The following IL5RA variants were observed in gnomAD, a reference collection of about 807,000 sequenced individuals.
The protein encoded by IL5RA is interleukin-5 receptor subunit alpha.
In IL5RA, 49 loss-of-function variants were observed where a neutral mutation model predicts 50.0. The observed-to-expected ratio is 0.98, with a 90% confidence interval of 0.78 to 1.24. The LOEUF is 1.24. IL5RA is among the 50% of genes most tolerant of loss of function. IL5RA has a pLI of 0.00. For missense variants in IL5RA, 600 were observed against 500.4 expected (o/e 1.20, Z -1.90); for synonymous variants, 202 against 174.0 (o/e 1.16, Z -1.26).
intron 2 of IL5RA, among the ~76,000 whole-genome samples, chr3:3,107,118 G>A (rs1179663095): frequency 6.6e-6 from 1 of 151,752 alleles, no homozygotes; most frequent in Admixed American, 6.6e-5. Flanking sequence ...ATTAGTTTTT[G>A]GCCATAAATA....
chr3:3,084,983 G>C (rs930565382), intron 9 of IL5RA, among the ~76,000 whole-genome samples: 4 of 152,256 alleles, frequency 2.6e-5, no homozygotes, highest in Non-Finnish European at 5.9e-5. Flanking sequence ...GCGCCTGAAA[G>C]CACTGTGGGA....
intron 7 of IL5RA, among the ~76,000 whole-genome samples, chr3:3,095,889 GT>G (rs896612939): frequency 6.6e-6 from 1 of 152,054 alleles, no homozygotes; most frequent in African/African-American, 2.4e-5. Context: ...CTGAGATTCA[GT>G]TTTTAATTTT....
At chr3:3,083,171 C>A (rs2125961493) in intron 9 of IL5RA, among the ~76,000 whole-genome samples, 1 of 152,300 alleles carries the variant, frequency 6.6e-6, no homozygotes, top group Middle Eastern at 3.4e-3. Context: ...CAAACCAGAT[C>A]ACAGGCTTCC....
chr3:3,076,500 C>T, intron 10 of IL5RA, 31 bp downstream of exon 10: 1 of 1,405,668 alleles, frequency 7.1e-7, no homozygotes, highest in Non-Finnish European at 1.0e-6. Context: ...TGAAACCCCA[C>T]TGCAAGCACG....
rs185923166 is a variant in IL5RA at position 3,075,969 on chromosome 3, C to A, written c.1091+562G>T. On this transcript the variant is annotated intron_variant, in intron 10 of 11. Transcript: ENST00000446632. ...CATGTTTTTAAGCCTCCTAAAAGGT[C>A]TTGTGCCTTACTGAATGCTAAAATG... is the stretch of plus-strand genomic sequence containing the variant. Among the ~76,000 whole-genome samples, 365 of 152,272 alleles carry A rather than the reference C, an allele frequency of 2.4e-3. 2 individuals are homozygous for A. The highest frequency in any genetic ancestry group is 4.1e-3 in the Non-Finnish European group (281 of 68,026).
Position 3,076,550 on chromosome 3 carries a change from G to A in IL5RA, c.1072C>T (p.Leu358Phe), listed in dbSNP as rs764935099. The change falls in exon 10 of 12, where the codon CTC (leucine) becomes TTC (phenylalanine). Residue 358 changes from leucine to phenylalanine, a missense_variant. Coordinates refer to ENST00000446632, the MANE Select transcript of IL5RA (RefSeq NM_175726.4). ...MATICFILLI[L>F]SLICKICHLW... ...ACTTACATTTTACAGATAAGCGAGA[G>A]AATTAACAAGATGAAGCAGATGGTT... 2 of 1,608,686 alleles carry A rather than the reference G, an allele frequency of 1.2e-6. No individual in the cohort carries two copies. The highest frequency in any genetic ancestry group is 1.7e-6 in the Non-Finnish European group (2 of 1,175,444).
At chr3:3,094,261 A>G (rs1484984606) in intron 8 of IL5RA, among the ~76,000 whole-genome samples, 1 of 152,194 alleles carries the variant, frequency 6.6e-6, no homozygotes, top group Non-Finnish European at 1.5e-5. Context: ...CCATTAAACA[A>G]TACCTCTCCT....
chr3:3,100,829 G>C (rs995376648), intron 5 of IL5RA, among the ~76,000 whole-genome samples: 16 of 152,116 alleles, frequency 1.1e-4, no homozygotes, highest in African/African-American at 3.6e-4. Context: ...CAAATTGGCT[G>C]GTATGTGGTC....
chr3:3,070,575 C>CTTTTTTATTTTTTT (rs1702264298), intron 11 of IL5RA, among the ~76,000 whole-genome samples: 1 of 84,902 alleles, frequency 1.2e-5, no homozygotes. Flanking sequence ...GGATACACAT[C>CTTTTTTATTTTTTT]TTTTTTTTTT....
rs1702160928 is a variant in IL5RA at position 3,067,319 on chromosome 3, C to T, written c.*2906G>A. On this transcript the variant is annotated 3_prime_UTR_variant, in exon 12 of 12. Coordinates refer to ENST00000446632, the MANE Select transcript of IL5RA (RefSeq NM_175726.4). ...TCCTCCCCCTGTCATTATTGTAGGC[C>T]TTGAGGATCTCTGCCAAATACTGTT... 6.6e-6 allele frequency: 1 copy of T among 152,216 alleles called. No homozygotes were observed. The highest frequency in any genetic ancestry group is 1.9e-4 in the East Asian group (1 of 5,192). 9.4% of individuals were successfully genotyped at this position (152,216 alleles called of 1,614,324 possible).
At position 3,070,092 on chromosome 3, in the gene IL5RA, G is replaced by A. The variant is rs1702247063; in HGVS notation, c.*133C>T. 3.0e-6 allele frequency: 2 copies of A among 670,374 alleles called. No individual in the cohort carries two copies. The highest frequency in any genetic ancestry group is 3.7e-5 in the South Asian group (2 of 54,000). The allele number at this position is 670,374 out of a possible 1,614,324, so 41.5% of individuals were successfully genotyped here. A position where few individuals can be genotyped will look rare whatever the true frequency, so the allele number is the denominator to read the frequency against. On this transcript the variant is annotated 3_prime_UTR_variant, in exon 12 of 12. Coordinates refer to ENST00000446632, the MANE Select transcript of IL5RA (RefSeq NM_175726.4). ...AAGAGATACAAGACTGGTGTGTCTG[G>A]GTGTATTGCTTCGCAGGTAAATTGA...
intron 10 of IL5RA, 133 bp from the exon 11 acceptor site, chr3:3,074,999 C>T (rs1055670414): frequency 1.6e-6 from 1 of 632,420 alleles, no homozygotes; most frequent in Non-Finnish European, 2.8e-6. Flanking sequence ...CGTACCAAGA[C>T]TTCCAAAATT....
intron 1 of IL5RA, among the ~76,000 whole-genome samples, chr3:3,109,146 C>CCCT (rs1553754688): frequency 6.9e-6 from 1 of 145,316 alleles, no homozygotes; most frequent in African/African-American, 2.5e-5. Flanking sequence ...CTTTTTCCCC[C>CCCT]TTTTTTTTGG....
At chr3:3,079,676 T>G (rs1019053939) in intron 9 of IL5RA, among the ~76,000 whole-genome samples, 3 of 152,192 alleles carry the variant, frequency 2.0e-5, no homozygotes, top group Middle Eastern at 3.2e-3. Flanking sequence ...CTAGCACCAC[T>G]CACTCAGTTG....
At chr3:3,100,924 A>G (rs754182194) in intron 5 of IL5RA, among the ~76,000 whole-genome samples, 1 of 151,568 alleles carries the variant, frequency 6.6e-6, no homozygotes, top group Non-Finnish European at 1.5e-5. Flanking sequence ...AGGCGGGTGG[A>G]TGGCTGGAGG....
intron 9 of IL5RA, among the ~76,000 whole-genome samples, chr3:3,083,390 C>T (rs527951403): frequency 2.0e-4 from 30 of 152,244 alleles, no homozygotes; most frequent in South Asian, 2.1e-4. Context: ...TTGCATTAAC[C>T]GAATAGAGAG....
chr3:3,107,005 T>C (rs929359502), intron 2 of IL5RA, among the ~76,000 whole-genome samples: 1 of 152,198 alleles, frequency 6.6e-6, no homozygotes, highest in Non-Finnish European at 1.5e-5. Flanking sequence ...GAATATTTTA[T>C]ATGAGCAAGC....
At position 3,092,519 on chromosome 3, in the gene IL5RA, G is replaced by A. The variant is rs17659894; in HGVS notation, c.856-157C>T. Among the ~76,000 whole-genome samples, 6 of 152,108 alleles carry A rather than the reference G, an allele frequency of 3.9e-5. No homozygotes were observed. Among genetic ancestry groups the A allele is most frequent in the Non-Finnish European group, 8.8e-5 (6 of 68,024 alleles). The stretch of plus-strand genomic sequence containing the variant: ...ACATTAATTCGTTTATGCTAGGTGC[G>A]TTAGTGTGGATGTGTTGGCAGTCAC... On this transcript the variant is annotated intron_variant, in intron 8 of 11. Coordinates refer to ENST00000446632, the MANE Select transcript of IL5RA (RefSeq NM_175726.4). This position sits in a 1 kb window ranked among gnomAD's most constrained non-coding sequence, Gnocchi z 4.2.
chr3:3,080,252 C>T (rs1423863414), intron 9 of IL5RA, among the ~76,000 whole-genome samples: 1 of 152,150 alleles, frequency 6.6e-6, no homozygotes, highest in Admixed American at 6.5e-5. Context: ...TTAATTCTTA[C>T]AGCGATGCTT....
Sources: allele counts gnomAD v4.1 joint callset (sites outside exome capture counted in the v4.1 genomes callset), GRCh38; gene constraint gnomAD v4.1.1; non-coding constraint Gnocchi (gnomAD v3.1); transcripts MANE v1.5; gene names NCBI Gene and HGNC (gene_info 2026-07-23, HGNC 2026-07-21).